PPA1: variants seen among roughly 807,000 people sequenced by gnomAD.
PPA1 encodes the protein inorganic pyrophosphatase 1.
PPA1 carries 23 observed loss-of-function variants against 41.8 expected under a neutral mutation model. That is an observed-to-expected ratio of 0.55 (90% CI 0.40 to 0.78). The LOEUF is 0.78. PPA1 is among the 30% of genes least tolerant of loss of function. The pLI is 0.00. For synonymous variants in PPA1, 101 were observed against 116.8 expected, an observed-to-expected ratio of 0.86 and a Z score of 0.87; for missense variants, 320 against 361.6, an observed-to-expected ratio of 0.89 and a Z score of 0.93.
intron 2 of PPA1, among the ~76,000 whole-genome samples, chr10:70,220,727 A>T (rs1361504681): frequency 1.3e-4 from 1 of 7,718 alleles, no homozygotes; most frequent in Non-Finnish European, 2.1e-4. Context: ...TTATATATAT[A>T]ATATATATAA....
chr10:70,217,211 T>C (rs1294663318), intron 4 of PPA1, among the ~76,000 whole-genome samples: 1 of 151,464 alleles, frequency 6.6e-6, no homozygotes, highest in Non-Finnish European at 1.5e-5. Flanking sequence ...TAAGAAAACA[T>C]GATCCTCTCA....
At chr10:70,204,394 C>T in intron 10 of PPA1, 1 of 153,126 alleles carries the variant, frequency 6.5e-6, no homozygotes, top group Non-Finnish European at 1.5e-5. Context: ...GCCTGGGTGA[C>T]TCTGTGTCAA....
intron 9 of PPA1, 160 bp from the exon 10 acceptor site, chr10:70,205,075 G>A: frequency 1.7e-6 from 1 of 572,540 alleles, no homozygotes; most frequent in Non-Finnish European, 3.1e-6. Context: ...TTGCTCTACT[G>A]CTGAGATGCT....
In PPA1 at chr10:70,203,160, T is replaced by A. The variant is rs773485629; in HGVS notation, c.865A>T (p.Asn289Tyr). ...DVDKWFHHQK[N>Y] ...TGTATTCCAGAGAAATCTCATTAGT[T>A]TTTCTGGTGATGGAACCACTTATCC... Residue 289 changes from asparagine to tyrosine, a missense_variant, in exon 11 of 11, where the codon AAC becomes TAC. Transcript: ENST00000373232. The A allele has an allele frequency of 6.2e-7, 1 of 1,608,928 alleles. No individual in the cohort carries two copies. Among genetic ancestry groups the A allele is most frequent in the Non-Finnish European group, 8.5e-7 (1 of 1,176,408 alleles).
rs1322584207 is a variant in PPA1 at position 70,206,169 on chromosome 10, C to G, written c.795+95G>C. ...CAGTAACATGCATACAAAAGGCACTCAAGTATTTGTCGAAACAAGTACTTC... is the reference window on the plus strand; with the variant it reads ...CAGTAACATGCATACAAAAGGCACTGAAGTATTTGTCGAAACAAGTACTTC... On this transcript the variant is annotated intron_variant, in intron 9 of 10. Coordinates refer to ENST00000373232, the MANE Select transcript of PPA1 (RefSeq NM_021129.4). 24 of 967,786 alleles carry G rather than the reference C, an allele frequency of 2.5e-5. No individual in the cohort carries two copies. In the East Asian group the frequency reaches 5.6e-4, roughly 22 times the overall value. The allele number at this position is 967,786 out of a possible 1,614,324, so 59.9% of individuals were successfully genotyped here.
intron 2 of PPA1, among the ~76,000 whole-genome samples, chr10:70,221,082 T>A (rs1405986817): frequency 0.011 from 244 of 22,494 alleles, 19 homozygotes; most frequent in Middle Eastern, 0.023. Context: ...ATATATTTTT[T>A]TTTTTTTTTT....
chr10:70,202,995 A>G lies in PPA1; in HGVS notation c.*160T>C, dbSNP rs1359421312. On this transcript the variant is annotated 3_prime_UTR_variant, in exon 11 of 11. Coordinates refer to ENST00000373232, the MANE Select transcript of PPA1 (RefSeq NM_021129.4). ...AGTTGAGATATGAAAAATGCTTTAG[A>G]TGGATAACATTCTGAGTATATTGGA... 2.8e-6 allele frequency: 2 copies of G among 715,882 alleles called. No homozygotes were observed. The highest frequency in any genetic ancestry group is 4.8e-6 in the Non-Finnish European group (2 of 419,410). The allele number at this position is 715,882 out of a possible 1,614,324, so 44.3% of individuals were successfully genotyped here. A position where few individuals can be genotyped will look rare whatever the true frequency, so the allele number is the denominator to read the frequency against.
At chr10:70,214,410 C>G (rs1840054876) in intron 5 of PPA1, 90 bp downstream of exon 5, 1 of 985,212 alleles carries the variant, frequency 1.0e-6, no homozygotes, top group African/African-American at 1.6e-5. Context: ...AATATTCATG[C>G]ATTTTATTCA....
At chr10:70,208,405 C>T (rs1034686269) in intron 8 of PPA1, among the ~76,000 whole-genome samples, 2 of 151,894 alleles carry the variant, frequency 1.3e-5, no homozygotes, top group African/African-American at 4.8e-5. Flanking sequence ...GTGGGGCAAT[C>T]ACAGCTCACT....
intron 2 of PPA1, among the ~76,000 whole-genome samples, chr10:70,225,208 C>G (rs1405334068): frequency 6.6e-6 from 1 of 151,210 alleles, no homozygotes; most frequent in Non-Finnish European, 1.5e-5. Flanking sequence ...TGTGGTCCCA[C>G]CACTCTTATT....
intron 6 of PPA1, chr10:70,210,371 C>T: frequency 7.3e-7 from 1 of 1,365,264 alleles, no homozygotes; most frequent in Admixed American, 1.9e-5. Flanking sequence ...GGTACTATCC[C>T]TGGTCCAGAG....
intron 1 of PPA1, among the ~76,000 whole-genome samples, chr10:70,232,658 T>TCGGCGCTGAGGGAAAACAGG (rs1840301015): frequency 6.6e-6 from 1 of 152,112 alleles, no homozygotes; most frequent in Admixed American, 6.5e-5. Flanking sequence ...ATTCCCAGCA[T>TCGGCGCTGAGGGAAAACAGG]CGGCGCTGAG....
In PPA1 at chr10:70,203,091, T is replaced by A. The variant is rs1839900195; in HGVS notation, c.*64A>T. 6.7e-7 allele frequency: 1 copy of A among 1,500,592 alleles called. No homozygotes were observed. The highest frequency in any genetic ancestry group is 9.2e-7 in the Non-Finnish European group (1 of 1,085,738). The allele number at this position is 1,500,592 out of a possible 1,614,324, so 93.0% of individuals were successfully genotyped here. The stretch of plus-strand genomic sequence containing the variant: ...TAAAGCTTTGAAAAGCTACTACTTT[T>A]ACTTCTAATACATCCAGATGAACAC... On this transcript the variant is annotated 3_prime_UTR_variant, in exon 11 of 11. Transcript: ENST00000373232.
In PPA1 at chr10:70,218,752, G is replaced by C; in HGVS notation, c.177+12C>G. On this transcript the variant is annotated intron_variant, in intron 3 of 10. Coordinates refer to ENST00000373232, the MANE Select transcript of PPA1 (RefSeq NM_021129.4). Reference sequence around the variant, plus strand: ...ATCCTAAGTCTGACTCAAATGTAAGGTGAAATATTACCTCCATTTTTGCAT... The same window carrying C: ...ATCCTAAGTCTGACTCAAATGTAAGCTGAAATATTACCTCCATTTTTGCAT... 1 of 1,594,378 alleles carries C rather than the reference G, an allele frequency of 6.3e-7. No individual in the cohort carries two copies. The highest frequency in any genetic ancestry group is 8.6e-7 in the Non-Finnish European group (1 of 1,162,532).
At position 70,207,244 on chromosome 10, in the gene PPA1, G is replaced by C. The variant is rs142974230; in HGVS notation, c.726-911C>G. Among the ~76,000 whole-genome samples, 3 of 152,154 alleles carry C rather than the reference G, an allele frequency of 2.0e-5. No individual in the cohort carries two copies. In the East Asian group the frequency reaches 5.8e-4, roughly 29 times the overall value. ...CACTATTAATAGTGGTGAAAAATTG[G>C]AAGTAACCAAAATGTCCAATAATAA... On this transcript the variant is annotated intron_variant, in intron 8 of 10. Coordinates refer to ENST00000373232, the MANE Select transcript of PPA1 (RefSeq NM_021129.4).
intron 3 of PPA1, 73 bp from the exon 4 acceptor site, chr10:70,218,004 G>A: frequency 3.1e-6 from 4 of 1,301,548 alleles, no homozygotes; most frequent in South Asian, 3.5e-5. Flanking sequence ...CTGAGGAAAT[G>A]AATTATGGTA....
At chr10:70,221,091 TTTTTG>T (rs1564584701) in intron 2 of PPA1, among the ~76,000 whole-genome samples, 1 of 60,646 alleles carries the variant, frequency 1.6e-5, no homozygotes, top group Non-Finnish European at 2.8e-5. Context: ...TTTTTTTTTT[TTTTTG>T]TAGAGATGGA....
intron 2 of PPA1, among the ~76,000 whole-genome samples, chr10:70,222,114 T>C (rs1840177319): frequency 6.6e-6 from 1 of 151,618 alleles, no homozygotes; most frequent in Non-Finnish European, 1.5e-5. Context: ...GGTGGGCGGA[T>C]TATGAGGTCA....
intron 8 of PPA1, among the ~76,000 whole-genome samples, chr10:70,206,865 A>G (rs148297840): frequency 0.035 from 297 of 8,594 alleles, 1 homozygote; most frequent in African/African-American, 0.09. Context: ...AGGAGAGGAG[A>G]GGAGGGGAGG....
Sources: allele counts gnomAD v4.1 joint callset (sites outside exome capture counted in the v4.1 genomes callset), GRCh38; gene constraint gnomAD v4.1.1; transcripts MANE v1.5; gene names NCBI Gene and HGNC (gene_info 2026-07-23, HGNC 2026-07-21).